Variants in UNC5D observed in about 807,000 individuals in gnomAD.
UNC5D encodes unc-5 netrin receptor D.
Under a neutral mutation model 105.4 loss-of-function variants are expected in UNC5D, and 39 were observed. The observed-to-expected ratio is 0.37, with a 90% CI of 0.29 to 0.48. The LOEUF (loss-of-function observed/expected upper bound fraction) is 0.48, where lower values mean the gene tolerates loss of function less well. UNC5D is among the 20% of genes least tolerant of loss of function. The pLI is 0.98. For synonymous variants in UNC5D, 452 were observed against 450.4 expected, an observed-to-expected ratio of 1.00 and a Z score of -0.04; for missense variants, 991 against 1,202.4, an observed-to-expected ratio of 0.82 and a Z score of 2.60.
At chr8:35,466,298 A>T (rs920260445) in intron 1 of UNC5D, among the ~76,000 whole-genome samples, 3 of 152,218 alleles carry the variant, frequency 2.0e-5, no homozygotes, top group Non-Finnish European at 4.4e-5. Flanking sequence ...GTCAGAATTC[A>T]TCTCTCACTG....
chr8:35,733,235 G>C (rs190127619), intron 11 of UNC5D, among the ~76,000 whole-genome samples: 399 of 152,196 alleles, frequency 2.6e-3, no homozygotes, highest in African/African-American at 9.2e-3. Context: ...GATAGCTCAC[G>C]ACTACTTAGA....
intron 1 of UNC5D, among the ~76,000 whole-genome samples, chr8:35,481,174 C>T (rs1267589284): frequency 6.6e-6 from 1 of 152,136 alleles, no homozygotes; most frequent in Non-Finnish European, 1.5e-5. Context: ...ACATATCCTA[C>T]CAGAAGAGGG....
chr8:35,685,028 A>G (rs887766285), intron 6 of UNC5D, among the ~76,000 whole-genome samples: 3 of 152,208 alleles, frequency 2.0e-5, no homozygotes, highest in African/African-American at 4.8e-5. Flanking sequence ...TACTGCTAGC[A>G]TTTGGTTGGG....
chr8:35,759,251 CTAGA>C, intron 13 of UNC5D, 65 bp from the exon 14 acceptor site: 1 of 1,567,392 alleles, frequency 6.4e-7, no homozygotes, highest in African/African-American at 1.4e-5. Flanking sequence ...ATGTGTATCC[CTAGA>C]TAGGAAATAT....
intron 1 of UNC5D, chr8:35,254,719 T>A (rs59993962): frequency 0.099 from 15,023 of 152,246 alleles, 1,024 homozygotes; most frequent in East Asian, 0.35. Context: ...TTGAATGCTA[T>A]GTTTCCATAC....
chr8:35,629,122 C>G (rs142729547), intron 4 of UNC5D, among the ~76,000 whole-genome samples: 12 of 152,138 alleles, frequency 7.9e-5, no homozygotes, highest in East Asian at 1.9e-4. Context: ...CAGTAGCAAG[C>G]CTTTTTCTCC....
intron 2 of UNC5D, among the ~76,000 whole-genome samples, chr8:35,550,095 G>T (rs1268364085): frequency 6.6e-6 from 1 of 151,930 alleles, no homozygotes; most frequent in Admixed American, 6.6e-5. Context: ...CTGATAAGTG[G>T]TGATGATGGA....
At chr8:35,546,756 T>C (rs1815713881) in intron 1 of UNC5D, among the ~76,000 whole-genome samples, 1 of 152,214 alleles carries the variant, frequency 6.6e-6, no homozygotes, top group African/African-American at 2.4e-5. Context: ...AACAAATTAA[T>C]ATGTGATTTA....
intron 1 of UNC5D, among the ~76,000 whole-genome samples, chr8:35,507,374 C>T (rs1171646305): frequency 6.6e-6 from 1 of 152,086 alleles, no homozygotes; most frequent in Non-Finnish European, 1.5e-5. Context: ...CTTATCAGTT[C>T]CTCTACACAG....
At chr8:35,427,461 A>G (rs1806330359) in intron 1 of UNC5D, among the ~76,000 whole-genome samples, 1 of 152,180 alleles carries the variant, frequency 6.6e-6, no homozygotes. Context: ...TGCTTTTATT[A>G]TCAGTGAATT....
intron 1 of UNC5D, among the ~76,000 whole-genome samples, chr8:35,464,854 T>C (rs1251901516): frequency 6.6e-6 from 1 of 152,164 alleles, no homozygotes; most frequent in Non-Finnish European, 1.5e-5. Flanking sequence ...ATATGAGTGA[T>C]TTTGAAATCC....
At chr8:35,483,565 T>C (rs1810635626) in intron 1 of UNC5D, among the ~76,000 whole-genome samples, 1 of 152,170 alleles carries the variant, frequency 6.6e-6, no homozygotes, top group African/African-American at 2.4e-5. Flanking sequence ...AAAACTGATT[T>C]CAGGACATAG....
intron 1 of UNC5D, among the ~76,000 whole-genome samples, chr8:35,337,572 C>T (rs28395502): frequency 0.44 from 66,200 of 151,960 alleles, 14,693 homozygotes; most frequent in East Asian, 0.7. Context: ...GAATATGCCC[C>T]GATTTGTGGG....
intron 16 of UNC5D, among the ~76,000 whole-genome samples, chr8:35,789,496 G>C (rs532461554): frequency 3.2e-4 from 48 of 152,038 alleles, no homozygotes; most frequent in Non-Finnish European, 5.1e-4. Context: ...TGAGAGATTA[G>C]AAAGATGGTT....
At chr8:35,330,111 G>A (rs1251262927) in intron 1 of UNC5D, among the ~76,000 whole-genome samples, 1 of 152,136 alleles carries the variant, frequency 6.6e-6, no homozygotes, top group Non-Finnish European at 1.5e-5. Context: ...TTGTTCAAAG[G>A]CACAGAGATA....
intron 1 of UNC5D, among the ~76,000 whole-genome samples, chr8:35,295,821 A>C (rs1807441645): frequency 6.6e-6 from 1 of 152,172 alleles, no homozygotes; most frequent in Non-Finnish European, 1.5e-5. Flanking sequence ...TTTCACCAGC[A>C]TTCCCCATTT....
chr8:35,736,947 T>C (rs1829499415), intron 11 of UNC5D, among the ~76,000 whole-genome samples: 1 of 152,142 alleles, frequency 6.6e-6, no homozygotes, highest in Non-Finnish European at 1.5e-5. Flanking sequence ...GACCTAGTCA[T>C]GCTTATATTT....
intron 4 of UNC5D, among the ~76,000 whole-genome samples, chr8:35,643,467 C>T (rs1822873537): frequency 6.6e-6 from 1 of 152,142 alleles, no homozygotes; most frequent in Non-Finnish European, 1.5e-5. Flanking sequence ...CAGGCACATG[C>T]CACCACCCCC....
intron 1 of UNC5D, among the ~76,000 whole-genome samples, chr8:35,252,326 G>C (rs28586902): frequency 1.3e-5 from 2 of 152,072 alleles, no homozygotes; most frequent in African/African-American, 4.8e-5. Context: ...TAGAAGTAAA[G>C]TTATCAACAT....
Sources: gnomAD v4.1 joint callset for allele counts (sites outside exome capture counted in the v4.1 genomes callset) on GRCh38, gnomAD v4.1.1 for gene constraint, MANE v1.5 for transcripts, NCBI Gene and HGNC (gene_info 2026-07-23, HGNC 2026-07-21) for gene names.